Variants in BLK observed in about 807,000 individuals in gnomAD.
The protein encoded by BLK is BLK proto-oncogene, Src family tyrosine kinase.
Under a neutral mutation model 61.8 loss-of-function variants are expected in BLK, and 64 were observed. That is an observed-to-expected ratio of 1.03 (90% confidence interval 0.85 to 1.27). The LOEUF (loss-of-function observed/expected upper bound fraction) is 1.27, where lower values mean the gene tolerates loss of function less well. BLK is among the 50% of genes most tolerant of loss of function. BLK has a pLI of 0.00. For synonymous variants in BLK, 351 were observed against 272.0 expected (o/e 1.29, Z -2.86); for missense variants, 853 against 660.5 (o/e 1.29, Z -3.19).
chr8:11,496,579 G>A (rs1798365815), intron 1 of BLK, among the ~76,000 whole-genome samples: 2 of 152,166 alleles, frequency 1.3e-5, no homozygotes, highest in Non-Finnish European at 2.9e-5. Flanking sequence ...TGTGGCAGGG[G>A]CTGCAGGACG....
chr8:11,559,384 CACACACAGACAG>C (rs1563124255), intron 10 of BLK, among the ~76,000 whole-genome samples: 1 of 114,552 alleles, frequency 8.7e-6, no homozygotes. Context: ...CACGCAAACT[CACACACAGACAG>C]ACACACACAC....
chr8:11,498,093 C>T (rs1478890), intron 1 of BLK, among the ~76,000 whole-genome samples: 1 of 152,014 alleles, frequency 6.6e-6, no homozygotes, highest in East Asian at 1.9e-4. Context: ...AGTTTTCTCA[C>T]GTTCCTTCTC....
intron 1 of BLK, among the ~76,000 whole-genome samples, chr8:11,539,607 G>T (rs1421944444): frequency 1.3e-5 from 2 of 152,160 alleles, no homozygotes; most frequent in East Asian, 3.8e-4. Flanking sequence ...GAATTTAAAA[G>T]ATTGCCCTTT....
rs1170831198 is a variant in BLK, at chr8:11,530,144, G to A, written c.-1-13080G>A. Among the ~76,000 whole-genome samples, 8 of 152,072 alleles carry A rather than the reference G, an allele frequency of 5.3e-5. No homozygotes were observed. The South Asian group carries it at 1.7e-3, about 32-fold the overall frequency. ...GCAAGAATAATTATTGGCCATATAG[G>A]CTCTTTTTTTCTAACTGGCTTTGCT... On this transcript the variant is annotated intron_variant, in intron 1 of 12. Coordinates refer to ENST00000259089, the MANE Select transcript of BLK (RefSeq NM_001715.3).
intron 7 of BLK, 103 bp downstream of exon 7, chr8:11,554,992 T>G: frequency 6.6e-7 from 1 of 1,506,590 alleles, no homozygotes. Flanking sequence ...CCTTGGGGGA[T>G]GGAAAGATTA....
In BLK at chr8:11,555,499, A is replaced by T. The variant is rs993134221; in HGVS notation, c.772+15A>T. The T allele has an allele frequency of 3.1e-6, 5 of 1,613,992 alleles. No homozygotes were observed. The highest frequency in any genetic ancestry group is 4.2e-6 in the Non-Finnish European group (5 of 1,180,002). ...AGTCTGGATGGGTGAGTGTGTGCAC[A>T]CGTGGGAGCATTTCTCCCCCCATTC... On this transcript the variant is annotated intron_variant, in intron 8 of 12. Transcript: ENST00000259089.
At chr8:11,529,968 G>C (rs754674852) in intron 1 of BLK, among the ~76,000 whole-genome samples, 3 of 152,196 alleles carry the variant, frequency 2.0e-5, no homozygotes, top group Admixed American at 6.5e-5. Context: ...AAGAACAATG[G>C]ATGAGGCTGG....
chr8:11,526,024 C>T (rs533254578), intron 1 of BLK, among the ~76,000 whole-genome samples: 7 of 152,312 alleles, frequency 4.6e-5, no homozygotes, highest in East Asian at 1.9e-4. Context: ...CTGCCCGCCT[C>T]GGCCTCCCAA....
intron 11 of BLK, 56 bp from the exon 12 acceptor site, chr8:11,562,923 G>T: frequency 6.2e-7 from 1 of 1,611,050 alleles, no homozygotes; most frequent in Non-Finnish European, 8.5e-7. Context: ...GGGTGAGGAT[G>T]GAGGGTAGGG....
At chr8:11,521,855 C>A (rs79058294) in intron 1 of BLK, among the ~76,000 whole-genome samples, 10 of 152,280 alleles carry the variant, frequency 6.6e-5, no homozygotes, top group African/African-American at 9.6e-5. Flanking sequence ...TAGGAGGGGA[C>A]TCCTCTCTAT....
chr8:11,561,538 G>A, intron 11 of BLK, 86 bp downstream of exon 11: 1 of 1,528,798 alleles, frequency 6.5e-7, no homozygotes, highest in South Asian at 1.2e-5. Context: ...TCCCAGCACA[G>A]CCCTGAGGGA....
chr8:11,501,984 C>T (rs1020226401), intron 1 of BLK, among the ~76,000 whole-genome samples: 11 of 152,328 alleles, frequency 7.2e-5, no homozygotes, highest in South Asian at 2.1e-4. Context: ...AAATCACTGC[C>T]GACCTGTAGC....
At chr8:11,562,596 G>T (rs1336935105) in intron 11 of BLK, among the ~76,000 whole-genome samples, 2 of 152,242 alleles carry the variant, frequency 1.3e-5, no homozygotes, top group African/African-American at 4.8e-5. Context: ...GGAGGCGCCC[G>T]CAGGTTTAAA....
rs5889374 is a variant in BLK, at chr8:11,535,261, GAAGAAAGAAAGAAAGAAAGA to G, written c.-1-7918_-1-7899del. ...AAAAGAAGGAAAGGAAAGAAAGAAA[GAAGAAAGAAAGAAAGAAAGA>G]AAGAAAGAAAGAAAGAAAGAAAGAA... On this transcript the variant is annotated intron_variant, in intron 1 of 12. Coordinates refer to ENST00000259089, the MANE Select transcript of BLK (RefSeq NM_001715.3). 4.6e-3 allele frequency among the ~76,000 whole-genome samples: 503 copies of G among 110,528 alleles called. 2 individuals are homozygous for G. The highest frequency in any genetic ancestry group is 0.02 in the East Asian group (77 of 3,902). The allele number at this position is 110,528 out of a possible 152,430, so 72.5% of individuals were successfully genotyped here.
intron 1 of BLK, among the ~76,000 whole-genome samples, chr8:11,506,360 AAAC>A (rs1204991908): frequency 2.6e-5 from 4 of 152,188 alleles, no homozygotes; most frequent in Admixed American, 2.0e-4. Context: ...GAAAAAAAGA[AAAC>A]AACAGAATGT....
At chr8:11,552,653 A>T (rs1464804146) in intron 6 of BLK, 1 of 152,160 alleles carries the variant, frequency 6.6e-6, no homozygotes, top group Non-Finnish European at 1.5e-5. Flanking sequence ...TGTTCTTTCG[A>T]AGTAAATCCC....
chr8:11,523,162 C>T (rs767679926), intron 1 of BLK, among the ~76,000 whole-genome samples: 5 of 151,842 alleles, frequency 3.3e-5, no homozygotes, highest in South Asian at 2.1e-4. Context: ...CAAGTGTGAA[C>T]GACACAGGAA....
intron 6 of BLK, chr8:11,552,693 A>G (rs971847780): frequency 6.6e-6 from 1 of 152,218 alleles, no homozygotes; most frequent in Non-Finnish European, 1.5e-5. Flanking sequence ...CCTGGAAATG[A>G]TATTTCAACC....
At chr8:11,525,148 G>C (rs969589974) in intron 1 of BLK, among the ~76,000 whole-genome samples, 1 of 152,182 alleles carries the variant, frequency 6.6e-6, no homozygotes, top group Non-Finnish European at 1.5e-5. Flanking sequence ...CACCTCTTTC[G>C]TGCTGACCCT....
Sources: gnomAD v4.1 joint callset for allele counts (sites outside exome capture counted in the v4.1 genomes callset) on GRCh38, gnomAD v4.1.1 for gene constraint, MANE v1.5 for transcripts, NCBI Gene and HGNC (gene_info 2026-07-23, HGNC 2026-07-21) for gene names.